SEMA6D: variants seen among roughly 807,000 people sequenced by gnomAD.
SEMA6D encodes the protein semaphorin-6D.
A neutral mutation model predicts 106.6 loss-of-function variants in SEMA6D; 35 were observed. The observed-to-expected ratio is 0.33, with a 90% CI of 0.25 to 0.44. The LOEUF is 0.44. Among genes scored for constraint, SEMA6D ranks in the 20% least tolerant of loss-of-function variants. The probability of loss-of-function intolerance (pLI) is 1.00; values close to 1 mark genes in which losing one functional copy is unlikely to be tolerated. For synonymous variants in SEMA6D, 499 were observed against 487.7 expected, an observed-to-expected ratio of 1.02 and a Z score of -0.31; for missense variants, 1,185 against 1,345.9, an observed-to-expected ratio of 0.88 and a Z score of 1.87.
chr15:47,478,379 T>C (rs890792122), intron 3 of SEMA6D, among the ~76,000 whole-genome samples: 2 of 152,150 alleles, frequency 1.3e-5, no homozygotes, highest in African/African-American at 4.8e-5. Context: ...TTAAAGTAAT[T>C]ACAGGAAGGC....
intron 1 of SEMA6D, among the ~76,000 whole-genome samples, chr15:47,207,993 G>GCGCGCACACACACACACA (rs1424944556): frequency 3.4e-4 from 30 of 89,444 alleles, no homozygotes; most frequent in African/African-American, 7.3e-4. Flanking sequence ...TGGCGCGCGC[G>GCGCGCACACACACACACA]CACACACACA....
intron 1 of SEMA6D, among the ~76,000 whole-genome samples, chr15:47,246,560 C>T (rs143836918): frequency 1.3e-5 from 2 of 152,296 alleles, no homozygotes; most frequent in East Asian, 1.9e-4. Flanking sequence ...AAACTACTTA[C>T]ATTCCTTGAC....
chr15:47,595,146 C>A (rs1297953106), intron 3 of SEMA6D, among the ~76,000 whole-genome samples: 1 of 152,078 alleles, frequency 6.6e-6, no homozygotes, highest in Non-Finnish European at 1.5e-5. Flanking sequence ...AAAAAAGAGA[C>A]AAAAATCACA....
chr15:47,510,297 T>A (rs1444308051), intron 3 of SEMA6D, among the ~76,000 whole-genome samples: 1 of 152,154 alleles, frequency 6.6e-6, no homozygotes, highest in Non-Finnish European at 1.5e-5. Context: ...ATCTAATGCC[T>A]GATGATCTGA....
At chr15:47,580,899 C>T (rs1424955025) in intron 3 of SEMA6D, among the ~76,000 whole-genome samples, 3 of 152,102 alleles carry the variant, frequency 2.0e-5, no homozygotes, top group South Asian at 4.1e-4. Context: ...AGAAACACTG[C>T]AAGGTAGAAA....
chr15:47,258,085 C>A (rs1369813805), intron 1 of SEMA6D, among the ~76,000 whole-genome samples: 1 of 151,994 alleles, frequency 6.6e-6, no homozygotes, highest in African/African-American at 2.4e-5. Context: ...GTTTATATAT[C>A]TTTTGCCATC....
At chr15:47,682,354 A>C (rs1018963809) in intron 4 of SEMA6D, among the ~76,000 whole-genome samples, 1 of 152,084 alleles carries the variant, frequency 6.6e-6, no homozygotes, top group Middle Eastern at 3.2e-3. Context: ...TTTGTAGTAG[A>C]GACGGGGTTT....
intron 1 of SEMA6D, among the ~76,000 whole-genome samples, chr15:47,729,075 G>A (rs528696493): frequency 4.6e-5 from 7 of 152,258 alleles, no homozygotes; most frequent in Admixed American, 2.0e-4. Flanking sequence ...TGCTAGGAGC[G>A]TGCGGCCAGA....
At chr15:47,474,833 G>A (rs763995600) in intron 3 of SEMA6D, among the ~76,000 whole-genome samples, 13 of 152,288 alleles carry the variant, frequency 8.5e-5, no homozygotes, top group East Asian at 7.7e-4. Flanking sequence ...GAGGTAATAC[G>A]AATGTCACTT....
intron 1 of SEMA6D, among the ~76,000 whole-genome samples, chr15:47,297,825 C>T (rs949719439): frequency 1.8e-4 from 27 of 151,822 alleles, no homozygotes; most frequent in African/African-American, 4.8e-4. Flanking sequence ...TACAAGGAGC[C>T]GGGGATGGGG....
chr15:47,189,667 CT>C (rs535737584), intron 1 of SEMA6D, among the ~76,000 whole-genome samples: 2 of 152,078 alleles, frequency 1.3e-5, no homozygotes, highest in Non-Finnish European at 1.5e-5. Context: ...ATAGACATGA[CT>C]TTTTTTTCCA....
At chr15:47,303,137 A>T (rs2142996883) in intron 1 of SEMA6D, among the ~76,000 whole-genome samples, 1 of 152,350 alleles carries the variant, frequency 6.6e-6, no homozygotes, top group East Asian at 1.9e-4. Flanking sequence ...AACAGGAGCA[A>T]AAGTATGCCT....
chr15:47,343,411 C>A (rs556209778), intron 1 of SEMA6D, among the ~76,000 whole-genome samples: 6 of 151,880 alleles, frequency 4.0e-5, no homozygotes, highest in African/African-American at 1.4e-4. Context: ...CCCCACTCCC[C>A]CCACCCCACA....
chr15:47,699,149 CT>C (rs1461439527), intron 4 of SEMA6D, among the ~76,000 whole-genome samples: 3 of 152,174 alleles, frequency 2.0e-5, no homozygotes, highest in African/African-American at 7.2e-5. Context: ...CCTATGCCAG[CT>C]TTTTAAAGGC....
intron 1 of SEMA6D, among the ~76,000 whole-genome samples, chr15:47,322,214 C>T (rs1367417764): frequency 6.6e-6 from 1 of 151,626 alleles, no homozygotes; most frequent in Non-Finnish European, 1.5e-5. Context: ...TCCCCTAATA[C>T]TAGGAAATTA....
rs1387773889 is a variant in SEMA6D, at chr15:47,756,899, T to C, written c.-54-2846T>C. Among the ~76,000 whole-genome samples the C allele has an allele frequency of 3.1e-4, 28 of 89,108 alleles. 1 individual carries two copies. The Middle Eastern group carries it at 0.018, about 58-fold the overall frequency. 58.5% of individuals were successfully genotyped at this position (89,108 alleles called of 152,430 possible). ...TACTATGGCAAGTCTGAATGTAATT[T>C]TTTTTTTTTTTTTTTTCAGAAATAC... is the stretch of plus-strand genomic sequence containing the variant. On this transcript the variant is annotated intron_variant, in intron 1 of 18. Transcript: ENST00000536845.
chr15:47,251,419 G>A (rs1292380519), intron 1 of SEMA6D, among the ~76,000 whole-genome samples: 2 of 152,200 alleles, frequency 1.3e-5, no homozygotes, highest in East Asian at 3.9e-4. Context: ...ATTTAAAGAT[G>A]ACTGTGATCC....
chr15:47,516,900 A>G lies in SEMA6D; in HGVS notation c.-87+46355A>G, dbSNP rs8029906. On this transcript the variant is annotated intron_variant, in intron 3 of 19. Transcript: ENST00000558014. ...GAATAATTCATTTTTTTGTAAAAAGAAGAATTAATTTAAAAATGTAAACTT... is the reference window on the plus strand; with the variant it reads ...GAATAATTCATTTTTTTGTAAAAAGGAGAATTAATTTAAAAATGTAAACTT... Among the ~76,000 whole-genome samples, 329 of 152,296 alleles carry G rather than the reference A, an allele frequency of 2.2e-3. 2 individuals carry two copies. Among genetic ancestry groups the G allele is most frequent in the African/African-American group, 7.7e-3 (321 of 41,562 alleles).
In SEMA6D at chr15:47,767,109, T is replaced by C; in HGVS notation, c.1765+16T>C. The C allele has an allele frequency of 6.6e-7, 1 of 1,505,676 alleles. No homozygotes were observed. The highest frequency in any genetic ancestry group is 2.3e-5 in the East Asian group (1 of 42,932). 93.3% of individuals were successfully genotyped at this position (1,505,676 alleles called of 1,614,324 possible). A position where few individuals can be genotyped will look rare whatever the true frequency, so the allele number is the denominator to read the frequency against. ...CCAACATCTGGTTAGTTTTTTTTAA[T>C]TTTTTTGAATTAACAACCTTTTCTT... On this transcript the variant is annotated intron_variant, in intron 17 of 18. Transcript: ENST00000536845.
Sources: allele counts gnomAD v4.1 joint callset (sites outside exome capture counted in the v4.1 genomes callset), GRCh38; gene constraint gnomAD v4.1.1; transcripts MANE v1.5; gene names NCBI Gene and HGNC (gene_info 2026-07-23, HGNC 2026-07-21).